TRABD2B: variants seen among roughly 807,000 people sequenced by gnomAD.
The protein encoded by TRABD2B is TraB domain containing 2B, also known as metalloprotease TIKI2.
In TRABD2B, 14 loss-of-function variants were observed where a neutral mutation model predicts 40.1. The observed-to-expected ratio is 0.35, with a 90% CI of 0.23 to 0.55. The LOEUF is 0.55. TRABD2B is among the 20% of genes least tolerant of loss of function. The pLI is 0.90. For missense variants in TRABD2B, 541 were observed against 648.6 expected (o/e 0.83, Z 1.80); for synonymous variants, 263 against 277.0 (o/e 0.95, Z 0.50).
chr1:47,976,783 G>A (rs1003960799), intron 2 of TRABD2B, among the ~76,000 whole-genome samples: 4 of 152,192 alleles, frequency 2.6e-5, no homozygotes, highest in Non-Finnish European at 4.4e-5. Context: ...AGGCACAGAA[G>A]AATGAATGAG....
intron 2 of TRABD2B, among the ~76,000 whole-genome samples, chr1:47,970,600 C>T (rs1645666863): frequency 6.6e-6 from 1 of 152,230 alleles, no homozygotes; most frequent in South Asian, 2.1e-4. Context: ...TTACAAACCA[C>T]CCCAGGCCTC....
intron 2 of TRABD2B, among the ~76,000 whole-genome samples, chr1:47,867,276 G>A (rs1344102168): frequency 1.3e-5 from 2 of 152,188 alleles, no homozygotes; most frequent in Non-Finnish European, 2.9e-5. Flanking sequence ...GAAAAAAATG[G>A]TGTGGCATCA....
intron 2 of TRABD2B, among the ~76,000 whole-genome samples, chr1:47,821,014 A>C (rs1645101559): frequency 6.6e-6 from 1 of 152,132 alleles, no homozygotes; most frequent in Non-Finnish European, 1.5e-5. Context: ...TCCTCTGGGC[A>C]TCTGTGTATC....
At chr1:47,936,596 A>G (rs944900947) in intron 2 of TRABD2B, among the ~76,000 whole-genome samples, 25 of 151,992 alleles carry the variant, frequency 1.6e-4, no homozygotes, top group Admixed American at 1.5e-3. Context: ...AAGGATAATA[A>G]GTTTTAAAAA....
intron 4 of TRABD2B, among the ~76,000 whole-genome samples, chr1:47,784,913 G>A (rs540444436): frequency 6.6e-6 from 1 of 152,342 alleles, no homozygotes; most frequent in Admixed American, 6.5e-5. Context: ...GGTATGGAGA[G>A]GGGGAGATGG....
intron 4 of TRABD2B, 67 bp from the exon 5 acceptor site, chr1:47,778,611 G>A: frequency 1.7e-6 from 2 of 1,181,796 alleles, no homozygotes; most frequent in Non-Finnish European, 2.4e-6. Flanking sequence ...GACTGCCCCA[G>A]GCCATCCCCT....
intron 2 of TRABD2B, among the ~76,000 whole-genome samples, chr1:47,959,219 A>C (rs1330696962): frequency 6.6e-6 from 1 of 152,242 alleles, no homozygotes; most frequent in Admixed American, 6.5e-5. Flanking sequence ...AGCACTGTGT[A>C]GAGGGAAATT....
chr1:47,821,403 A>G (rs1453807396), intron 2 of TRABD2B, among the ~76,000 whole-genome samples: 1 of 152,206 alleles, frequency 6.6e-6, no homozygotes, highest in African/African-American at 2.4e-5. Context: ...GGACTGTTTG[A>G]GGAATGGTAG....
chr1:47,947,143 A>G (rs1376363018), intron 2 of TRABD2B, among the ~76,000 whole-genome samples: 1 of 152,166 alleles, frequency 6.6e-6, no homozygotes, highest in Non-Finnish European at 1.5e-5. Context: ...ATTATTCTCA[A>G]AAGCAAGAGC....
chr1:47,821,696 T>C (rs1645112776), intron 2 of TRABD2B, among the ~76,000 whole-genome samples: 1 of 152,000 alleles, frequency 6.6e-6, no homozygotes, highest in African/African-American at 2.4e-5. Context: ...CAGTAGCCCC[T>C]TAGAACTTGT....
rs544019638 is a variant in TRABD2B, at chr1:47,964,380, G to A, written c.666+29654C>T. 4.6e-4 allele frequency among the ~76,000 whole-genome samples: 70 copies of A among 152,182 alleles called. 2 individuals are homozygous for A. The highest frequency in any genetic ancestry group is 4.5e-3 in the Admixed American group (69 of 15,216). On this transcript the variant is annotated intron_variant, in intron 2 of 6. Coordinates refer to ENST00000606738, the MANE Select transcript of TRABD2B (RefSeq NM_001194986.2). ...CAAAGATCACCAATAGACTTGCTGAGGAAGGAGCACAAACTTCATTAAGAA... is the reference window on the plus strand; with the variant it reads ...CAAAGATCACCAATAGACTTGCTGAAGAAGGAGCACAAACTTCATTAAGAA...
chr1:47,792,869 G>A (rs1428685361), intron 4 of TRABD2B, among the ~76,000 whole-genome samples: 3 of 152,092 alleles, frequency 2.0e-5, no homozygotes, highest in Non-Finnish European at 4.4e-5. Context: ...CCTGGGGGCT[G>A]GATGACTCAG....
rs369651504 is a variant in TRABD2B, at chr1:47,847,305, G to A, written c.667-45686C>T. Among the ~76,000 whole-genome samples, 14 of 152,272 alleles carry A rather than the reference G, an allele frequency of 9.2e-5. No individual in the cohort carries two copies. In the South Asian group the frequency reaches 2.9e-3, roughly 32 times the overall value. On this transcript the variant is annotated intron_variant, in intron 2 of 6. Transcript: ENST00000606738. ...GCCACACCACCCCCTTCACAGGAAG[G>A]ACTGGTCGCCTCTATGTTCTGAAAG...
At chr1:47,935,750 G>C (rs1645098516) in intron 2 of TRABD2B, among the ~76,000 whole-genome samples, 1 of 152,166 alleles carries the variant, frequency 6.6e-6, no homozygotes, top group South Asian at 2.1e-4. Context: ...TCACCAGAAT[G>C]ACCTAGAAAC....
intron 2 of TRABD2B, among the ~76,000 whole-genome samples, chr1:47,959,297 A>G (rs933554206): frequency 3.3e-5 from 5 of 152,224 alleles, no homozygotes; most frequent in Non-Finnish European, 7.3e-5. Flanking sequence ...ATCACAATTA[A>G]AAGAACTAGA....
At chr1:47,920,750 C>T (rs1644891321) in intron 2 of TRABD2B, among the ~76,000 whole-genome samples, 2 of 152,234 alleles carry the variant, frequency 1.3e-5, no homozygotes, top group African/African-American at 4.8e-5. Flanking sequence ...GGTGTTTCTA[C>T]AGTGCTGAGC....
chr1:47,992,646 T>C (rs1386477519), intron 2 of TRABD2B, among the ~76,000 whole-genome samples: 2 of 152,320 alleles, frequency 1.3e-5, no homozygotes, highest in African/African-American at 2.4e-5. Context: ...CCGACACAGA[T>C]AATATCAGCT....
chr1:47,968,049 T>A (rs920596720), intron 2 of TRABD2B, among the ~76,000 whole-genome samples: 1 of 152,228 alleles, frequency 6.6e-6, no homozygotes, highest in African/African-American at 2.4e-5. Context: ...AATGCAATGA[T>A]GAGCATGTGG....
At position 47,958,967 on chromosome 1, in the gene TRABD2B, G is replaced by A. The variant is rs572207657; in HGVS notation, c.666+35067C>T. Among the ~76,000 whole-genome samples the A allele has an allele frequency of 2.6e-4, 39 of 152,252 alleles. 1 individual carries two copies. The highest frequency in any genetic ancestry group is 7.2e-4 in the Admixed American group (11 of 15,292). ...GATTGACCACATAGTTGGAAGTAAA[G>A]CACTCCTCAGCAAATGTAAAAGAAC... On this transcript the variant is annotated intron_variant, in intron 2 of 6. Transcript: ENST00000606738.
Sources: gnomAD v4.1 joint callset for allele counts (sites outside exome capture counted in the v4.1 genomes callset) on GRCh38, gnomAD v4.1.1 for gene constraint, MANE v1.5 for transcripts, NCBI Gene and HGNC (gene_info 2026-07-23, HGNC 2026-07-21) for gene names.